The following TMPRSS15 variants were observed in gnomAD, a reference collection of about 807,000 sequenced individuals.
The protein encoded by TMPRSS15 is transmembrane serine protease 15.
In TMPRSS15, 128 loss-of-function variants were observed where a neutral mutation model predicts 125.3. That is an observed-to-expected ratio of 1.02 (90% CI 0.89 to 1.18). TMPRSS15 has a LOEUF of 1.18. Ranked by LOEUF, TMPRSS15 falls within the 50% of genes most tolerant of loss-of-function variation. TMPRSS15 has a pLI of 0.00. For missense variants in TMPRSS15, 1,283 were observed against 1,212.7 expected, an observed-to-expected ratio of 1.06 and a Z score of -0.86; for synonymous variants, 446 against 423.2, an observed-to-expected ratio of 1.05 and a Z score of -0.66.
intron 16 of TMPRSS15, among the ~76,000 whole-genome samples, chr21:18,319,831 C>T (rs2075215770): frequency 6.6e-6 from 1 of 152,218 alleles, no homozygotes; most frequent in African/African-American, 2.4e-5. Flanking sequence ...ATCCTTTCCT[C>T]TCAGTATCTT....
At chr21:18,396,503 T>G (rs1287386357) in intron 3 of TMPRSS15, among the ~76,000 whole-genome samples, 1 of 151,990 alleles carries the variant, frequency 6.6e-6, no homozygotes, top group African/African-American at 2.4e-5. Context: ...AGCTGGGCGC[T>G]GTGGCTCATG....
chr21:18,326,704 A>G (rs2075295124), intron 15 of TMPRSS15, 132 bp from the exon 16 acceptor site: 3 of 945,904 alleles, frequency 3.2e-6, no homozygotes, highest in East Asian at 5.0e-5. Context: ...AGCAGCCACA[A>G]GTAAATGAAC....
intron 4 of TMPRSS15, among the ~76,000 whole-genome samples, chr21:18,382,272 C>G (rs2075899830): frequency 6.6e-6 from 1 of 152,120 alleles, no homozygotes; most frequent in African/African-American, 2.4e-5. Context: ...AGATAAACCA[C>G]CTGTTCTAGC....
intron 1 of TMPRSS15, among the ~76,000 whole-genome samples, chr21:18,431,442 T>C (rs563138391): frequency 6.6e-6 from 1 of 152,270 alleles, no homozygotes; most frequent in South Asian, 2.1e-4. Context: ...CTGTTTTCCA[T>C]TGAAACTTCG....
At chr21:18,291,425 T>C (rs755648327) in intron 21 of TMPRSS15, among the ~76,000 whole-genome samples, 10 of 152,200 alleles carry the variant, frequency 6.6e-5, no homozygotes, top group Non-Finnish European at 1.0e-4. Flanking sequence ...GCCTGAGGAA[T>C]GCAAATGAAG....
intron 1 of TMPRSS15, among the ~76,000 whole-genome samples, chr21:18,450,266 T>G (rs78492274): frequency 0.086 from 12,478 of 144,830 alleles, 1,443 homozygotes; most frequent in African/African-American, 0.27. Context: ...GTTTTACATG[T>G]TTTTTTTTTC....
chr21:18,342,418 A>C (rs1263291196), intron 12 of TMPRSS15, among the ~76,000 whole-genome samples: 1 of 152,206 alleles, frequency 6.6e-6, no homozygotes, highest in African/African-American at 2.4e-5. Context: ...TTAAATTTCA[A>C]GGAGACTATG....
intron 1 of TMPRSS15, among the ~76,000 whole-genome samples, chr21:18,425,378 C>G (rs2076200513): frequency 1.3e-5 from 2 of 152,128 alleles, no homozygotes; most frequent in South Asian, 4.1e-4. Context: ...AAAAGAAAGG[C>G]TTCATATCTT....
chr21:18,345,161 G>A (rs1214575311), intron 10 of TMPRSS15, among the ~76,000 whole-genome samples: 2 of 152,146 alleles, frequency 1.3e-5, no homozygotes, highest in Admixed American at 1.3e-4. Flanking sequence ...CTTAATAAAT[G>A]TAATATGTAC....
chr21:18,404,991 G>A (rs115695866), upstream of TMPRSS15, among the ~76,000 whole-genome samples: 1,745 of 152,052 alleles, frequency 0.011, 40 homozygotes, highest in African/African-American at 0.038. Context: ...TATTCTAGGG[G>A]ACAATTACAA....
intron 1 of TMPRSS15, among the ~76,000 whole-genome samples, chr21:18,437,250 G>A (rs2076229941): frequency 6.6e-6 from 1 of 151,584 alleles, no homozygotes; most frequent in South Asian, 2.1e-4. Context: ...AATAAATGGT[G>A]CTGGGAAAAC....
chr21:18,330,388 G>C (rs1328111694), intron 14 of TMPRSS15, among the ~76,000 whole-genome samples: 1 of 152,114 alleles, frequency 6.6e-6, no homozygotes, highest in South Asian at 2.1e-4. Flanking sequence ...ACTCTCCAGT[G>C]CTCTCAGAAT....
intron 1 of TMPRSS15, among the ~76,000 whole-genome samples, chr21:18,422,729 T>A (rs949860123): frequency 6.6e-6 from 1 of 152,188 alleles, no homozygotes; most frequent in Non-Finnish European, 1.5e-5. Flanking sequence ...ATTCAGATAG[T>A]CTGGATCTTA....
In TMPRSS15 at chr21:18,403,753, T is replaced by A; in HGVS notation, c.-131A>T. 1 of 1,126,554 alleles carries A rather than the reference T, an allele frequency of 8.9e-7. No homozygotes were observed. The highest frequency in any genetic ancestry group is 2.5e-5 in the East Asian group (1 of 39,252). 69.8% of individuals were successfully genotyped at this position (1,126,554 alleles called of 1,614,324 possible). A position where few individuals can be genotyped will look rare whatever the true frequency, so the allele number is the denominator to read the frequency against. On this transcript the variant is annotated 5_prime_UTR_variant, in exon 1 of 25. Transcript: ENST00000284885. ...AACCACCTGTCTACATGCATACCAG[T>A]CAGTGTAAGTGAGTTGTGTATGTCT...
chr21:18,396,580 T>C (rs1045421025), intron 3 of TMPRSS15, among the ~76,000 whole-genome samples: 4 of 151,796 alleles, frequency 2.6e-5, no homozygotes, highest in African/African-American at 4.8e-5. Flanking sequence ...CGAGACGATC[T>C]TGGCTAACAT....
chr21:18,275,171 T>C lies in TMPRSS15; in HGVS notation c.2904+26A>G, dbSNP rs560807077. On this transcript the variant is annotated intron_variant, in intron 24 of 24. Transcript: ENST00000284885. ...ATAACACCAGTGCTTTCTGAAAAGG[T>C]ACAGTGAGCAGTTTTACATCTTTAC... 4.3e-6 allele frequency: 7 copies of C among 1,612,658 alleles called. No individual in the cohort carries two copies. In the East Asian group the frequency reaches 1.6e-4, roughly 36 times the overall value.
chr21:18,416,043 A>G (rs1601455330), intron 1 of TMPRSS15, among the ~76,000 whole-genome samples: 1 of 152,060 alleles, frequency 6.6e-6, no homozygotes, highest in East Asian at 1.9e-4. Flanking sequence ...AAACAATTCC[A>G]TTTACAATAG....
chr21:18,281,116 T>A lies in TMPRSS15; in HGVS notation c.2592A>T (p.Ile864=), dbSNP rs771244913. Residue 864 remains isoleucine, a synonymous_variant, in exon 22 of 25, where the codon ATA becomes ATT. Coordinates refer to ENST00000284885, the MANE Select transcript of TMPRSS15 (RefSeq NM_002772.3). ...TVPRLIDEIV[I]NPHYNRRRKD... The stretch of plus-strand genomic sequence containing the variant: ...TTCTTCGCCTATTGTAATGAGGGTT[T>A]ATGACAATTTCATCTATTAATCGAG... 3.7e-6 allele frequency: 6 copies of A among 1,614,102 alleles called. No homozygotes were observed. The Admixed American group carries it at 8.3e-5, about 22-fold the overall frequency.
intron 1 of TMPRSS15, among the ~76,000 whole-genome samples, chr21:18,440,349 G>C (rs528256163): frequency 1.0e-5 from 1 of 98,570 alleles, no homozygotes; most frequent in Non-Finnish European, 2.0e-5. Flanking sequence ...CTCCAGCCTG[G>C]GCGACAGAGC....
Sources: allele counts gnomAD v4.1 joint callset (sites outside exome capture counted in the v4.1 genomes callset), GRCh38; gene constraint gnomAD v4.1.1; transcripts MANE v1.5; gene names NCBI Gene and HGNC (gene_info 2026-07-23, HGNC 2026-07-21).